Variants in SNHG17 observed in about 807,000 individuals in gnomAD.
SNHG17 encodes small nucleolar RNA host gene 17 (non-protein coding).
At chr20:38,428,644 A>G (rs1306932483) in intron 3 of SNHG17, 1 of 152,242 alleles carries the variant, frequency 6.6e-6, no homozygotes, top group Non-Finnish European at 1.5e-5. Flanking sequence ...TATCCGCTTC[A>G]TCTGTCAGGC....
intron 2 of SNHG17, among the ~76,000 whole-genome samples, chr20:38,434,183 G>C (rs2084390173): frequency 6.6e-6 from 1 of 152,032 alleles, no homozygotes; most frequent in Non-Finnish European, 1.5e-5. Flanking sequence ...TGCCTCGGCT[G>C]TACATTCAGC....
chr20:38,429,917 T>C (rs960871168), intron 3 of SNHG17: 15 of 429,364 alleles, frequency 3.5e-5, no homozygotes, highest in Non-Finnish European at 5.8e-5. Flanking sequence ...CAGCCTAAGA[T>C]TACAGATGCT....
chr20:38,435,320 C>T (rs2084414225), exon 1 of SNHG17: 2 of 1,231,118 alleles, frequency 1.6e-6, no homozygotes, highest in Non-Finnish European at 2.0e-6. Flanking sequence ...CGAGGGACGG[C>T]GAAGGACTGA....
chr20:38,421,573 G>GTGGGTCTA (rs1568852284), intron 6 of SNHG17: 1 of 151,666 alleles, frequency 6.6e-6, no homozygotes, highest in African/African-American at 2.4e-5. Flanking sequence ...AAGTCAGGGG[G>GTGGGTCTA]TGGGTCTAGT....
At chr20:38,431,282 T>C (rs993922985) in intron 2 of SNHG17, among the ~76,000 whole-genome samples, 2 of 152,266 alleles carry the variant, frequency 1.3e-5, no homozygotes, top group African/African-American at 4.8e-5. Flanking sequence ...CACAGTCCCC[T>C]GAGGTCATCC....
chr20:38,421,340 T>G (rs755056490), intron 6 of SNHG17: 1 of 152,240 alleles, frequency 6.6e-6, no homozygotes, highest in Admixed American at 6.5e-5. Flanking sequence ...AATACAGCTT[T>G]CCTAGCCCCA....
intron 1 of SNHG17, chr20:38,434,985 CG>C (rs762187633): frequency 3.2e-5 from 39 of 1,229,444 alleles, no homozygotes; most frequent in Middle Eastern, 3.1e-4. Context: ...GACGACCGCA[CG>C]TGGCCCGCTC....
intron 2 of SNHG17, among the ~76,000 whole-genome samples, chr20:38,432,878 G>A (rs1002367483): frequency 1.3e-5 from 2 of 152,014 alleles, no homozygotes; most frequent in Non-Finnish European, 2.9e-5. Flanking sequence ...TTAAACTCCT[G>A]GGCTCAAGCG....
intron 5 of SNHG17, among the ~76,000 whole-genome samples, chr20:38,423,070 C>A (rs559276551): frequency 2.0e-5 from 3 of 150,464 alleles, no homozygotes; most frequent in African/African-American, 7.3e-5. Context: ...CCAGCCTGGG[C>A]AACAAGAGCA....
exon 8 of SNHG17, chr20:38,420,798 TGCTCTGAGCAGGCAGCAGGGAGCA>T (rs1342127021): frequency 6.6e-6 from 1 of 151,954 alleles, no homozygotes; most frequent in Non-Finnish European, 1.5e-5. Context: ...GGATCCGGGG[TGCTCTGAGCAGGCAGCAGGGAGCA>T]GCTCTGGTGA....
At chr20:38,435,095 G>A (rs1273106379) in intron 1 of SNHG17, 4 of 1,232,110 alleles carry the variant, frequency 3.2e-6, no homozygotes, top group East Asian at 6.3e-5. Flanking sequence ...ACGAGACACT[G>A]CACCAAGGAC....
intron 1 of SNHG17, chr20:38,435,187 G>A: frequency 8.1e-7 from 1 of 1,232,234 alleles, no homozygotes; most frequent in East Asian, 3.2e-5. Context: ...GCGCCCTGCT[G>A]TGGACTCACC....
chr20:38,428,456 T>C (rs1051977060), intron 3 of SNHG17: 1 of 152,306 alleles, frequency 6.6e-6, no homozygotes, highest in East Asian at 1.9e-4. Flanking sequence ...CAAGAAACCT[T>C]ACCTCGGGCC....
chr20:38,429,549 C>A, intron 3 of SNHG17: 1 of 318,740 alleles, frequency 3.1e-6, no homozygotes, highest in Non-Finnish European at 6.1e-6. Flanking sequence ...CCAAACCCAT[C>A]ACCCCACACC....
intron 1 of SNHG17, chr20:38,435,152 C>G: frequency 8.1e-7 from 1 of 1,232,336 alleles, no homozygotes; most frequent in Non-Finnish European, 1.0e-6. Context: ...CAGTTTCCCC[C>G]GATGGTGAGA....
chr20:38,422,156 ACAG>A (rs1281753588), exon 6 of SNHG17: 1 of 152,344 alleles, frequency 6.6e-6, no homozygotes, highest in Non-Finnish European at 1.5e-5. Flanking sequence ...GGACAGCCCC[ACAG>A]CAGGACAGAA....
At chr20:38,429,813 G>A in intron 3 of SNHG17, 1 of 517,580 alleles carries the variant, frequency 1.9e-6, no homozygotes, top group South Asian at 1.4e-5. Flanking sequence ...GGCAGAAAGG[G>A]CAGAGGGCAA....
chr20:38,429,809 A>C (rs1219433286), intron 3 of SNHG17: 1 of 517,728 alleles, frequency 1.9e-6, no homozygotes, highest in African/African-American at 1.9e-5. Flanking sequence ...CAGGGGCAGA[A>C]AGGGCAGAGG....
intron 5 of SNHG17, chr20:38,425,480 T>C (rs1022129465): frequency 5.2e-5 from 20 of 383,606 alleles, no homozygotes; most frequent in African/African-American, 2.1e-4. Context: ...ATTTCTAACA[T>C]GGTTTGATTT....
Sources: allele counts gnomAD v4.1 joint callset (sites outside exome capture counted in the v4.1 genomes callset), GRCh38; gene constraint gnomAD v4.1.1; transcripts MANE v1.5; gene names NCBI Gene and HGNC (gene_info 2026-07-23, HGNC 2026-07-21).